CPQ: variants seen among roughly 807,000 people sequenced by gnomAD.
CPQ encodes Ser-Met dipeptidase.
In CPQ, 37 loss-of-function variants were observed where a neutral mutation model predicts 45.7. That is an observed-to-expected ratio of 0.81 (90% confidence interval 0.62 to 1.07). The LOEUF (loss-of-function observed/expected upper bound fraction) is 1.07, where lower values mean the gene tolerates loss of function less well. Among genes scored for constraint, CPQ ranks in the 50% least tolerant of loss-of-function variants. The probability of loss-of-function intolerance (pLI) is 0.00; values close to 1 mark genes in which losing one functional copy is unlikely to be tolerated. For missense variants in CPQ, 537 were observed against 572.9 expected (o/e 0.94, Z 0.64); for synonymous variants, 186 against 205.8 (o/e 0.90, Z 0.82).
chr8:96,723,168 T>C (rs1168431995), intron 1 of CPQ, among the ~76,000 whole-genome samples: 1 of 152,176 alleles, frequency 6.6e-6, no homozygotes, highest in Non-Finnish European at 1.5e-5. Flanking sequence ...TAGTAAAATA[T>C]TATCAAAAGT....
chr8:96,764,051 G>A (rs368514875), intron 1 of CPQ, among the ~76,000 whole-genome samples: 8 of 152,170 alleles, frequency 5.3e-5, no homozygotes, highest in African/African-American at 1.9e-4. Context: ...CATATAAAGA[G>A]TACAAATAAA....
chr8:96,745,550 C>T (rs1810168642), intron 1 of CPQ, among the ~76,000 whole-genome samples: 1 of 152,130 alleles, frequency 6.6e-6, no homozygotes, highest in Admixed American at 6.5e-5. Context: ...ATTCATACAA[C>T]AAACCACTGA....
At chr8:97,103,030 C>G (rs766183201) in intron 7 of CPQ, among the ~76,000 whole-genome samples, 1 of 152,082 alleles carries the variant, frequency 6.6e-6, no homozygotes, top group Non-Finnish European at 1.5e-5. Flanking sequence ...GTATATCACT[C>G]CAATCATCTC....
At chr8:96,662,948 C>G (rs1387170987) in intron 1 of CPQ, among the ~76,000 whole-genome samples, 1 of 152,150 alleles carries the variant, frequency 6.6e-6, no homozygotes, top group African/African-American at 2.4e-5. Context: ...AAGATCGCAC[C>G]AGCACTCCAG....
chr8:96,858,443 G>T (rs4734352), intron 3 of CPQ, among the ~76,000 whole-genome samples: 4 of 151,926 alleles, frequency 2.6e-5, no homozygotes, highest in Admixed American at 6.5e-5. Context: ...GCACAGCAGC[G>T]TCTGATATCC....
chr8:96,972,174 G>C (rs1370428622), intron 5 of CPQ, among the ~76,000 whole-genome samples: 1 of 152,230 alleles, frequency 6.6e-6, no homozygotes, highest in Non-Finnish European at 1.5e-5. Flanking sequence ...CACTGTGGGA[G>C]TGAGACCGGC....
At chr8:97,116,923 T>C (rs545442112) in intron 7 of CPQ, among the ~76,000 whole-genome samples, 22 of 152,348 alleles carry the variant, frequency 1.4e-4, no homozygotes, top group Non-Finnish European at 2.5e-4. Flanking sequence ...GGATGCTCTG[T>C]TGGGTCCAGG....
At chr8:96,859,288 T>A (rs1233619926) in intron 3 of CPQ, among the ~76,000 whole-genome samples, 1 of 152,234 alleles carries the variant, frequency 6.6e-6, no homozygotes, top group East Asian at 1.9e-4. Flanking sequence ...GAATATCTTG[T>A]CTGCTTTTGA....
intron 1 of CPQ, among the ~76,000 whole-genome samples, chr8:96,783,937 G>A (rs1262144665): frequency 6.6e-6 from 1 of 152,088 alleles, no homozygotes; most frequent in African/African-American, 2.4e-5. Context: ...GGACTGGTAT[G>A]GCCCACAAAC....
intron 2 of CPQ, among the ~76,000 whole-genome samples, chr8:96,809,918 C>G (rs1811139326): frequency 6.6e-6 from 1 of 152,108 alleles, no homozygotes; most frequent in Non-Finnish European, 1.5e-5. Flanking sequence ...TCGTCTCTTG[C>G]ATTGAGCATT....
intron 3 of CPQ, among the ~76,000 whole-genome samples, chr8:96,837,826 C>CT (rs1811551094): frequency 1.3e-5 from 2 of 152,024 alleles, no homozygotes; most frequent in African/African-American, 2.4e-5. Context: ...TCCTTTATTG[C>CT]TTTTTTCTCT....
intron 7 of CPQ, among the ~76,000 whole-genome samples, chr8:97,115,636 A>AATTG (rs1477127272): frequency 6.6e-6 from 1 of 152,184 alleles, no homozygotes; most frequent in African/African-American, 2.4e-5. Context: ...GTGAAGGAGA[A>AATTG]ATTGATTTCC....
intron 3 of CPQ, among the ~76,000 whole-genome samples, chr8:96,864,470 C>A (rs1015541311): frequency 1.3e-5 from 2 of 151,974 alleles, no homozygotes; most frequent in African/African-American, 4.8e-5. Flanking sequence ...CATCAGAAGT[C>A]TAAAGGGGCA....
At chr8:96,741,126 C>A (rs559790382) in intron 1 of CPQ, among the ~76,000 whole-genome samples, 1 of 152,180 alleles carries the variant, frequency 6.6e-6, no homozygotes, top group Non-Finnish European at 1.5e-5. Context: ...CGTTGGTAAG[C>A]TATTGATTAT....
intron 4 of CPQ, among the ~76,000 whole-genome samples, chr8:96,949,695 A>C (rs2853281): frequency 0.5 from 75,795 of 151,760 alleles, 21,075 homozygotes; most frequent in African/African-American, 0.77. Flanking sequence ...GCTTCTTCTT[A>C]TTAGCCCAAC....
intron 5 of CPQ, among the ~76,000 whole-genome samples, chr8:96,987,205 A>C (rs1043083572): frequency 6.6e-6 from 1 of 152,094 alleles, no homozygotes; most frequent in African/African-American, 2.4e-5. Context: ...TTCCATTGTC[A>C]GATTTGAGCT....
chr8:97,085,649 A>G (rs1353955189), intron 7 of CPQ, among the ~76,000 whole-genome samples: 1 of 152,196 alleles, frequency 6.6e-6, no homozygotes, highest in East Asian at 1.9e-4. Flanking sequence ...TGACCATAGT[A>G]ACATTAATTT....
intron 5 of CPQ, among the ~76,000 whole-genome samples, chr8:96,975,452 T>C (rs1169312383): frequency 6.6e-6 from 1 of 151,062 alleles, no homozygotes; most frequent in African/African-American, 2.4e-5. Flanking sequence ...GATAAGGAAA[T>C]AGAGAATCAT....
intron 1 of CPQ, among the ~76,000 whole-genome samples, chr8:96,743,409 C>T (rs1286967561): frequency 1.3e-5 from 2 of 151,946 alleles, no homozygotes; most frequent in East Asian, 3.9e-4. Context: ...AACTTCTTTG[C>T]CTTTGGTTTG....
Sources: gnomAD v4.1 joint callset for allele counts (sites outside exome capture counted in the v4.1 genomes callset) on GRCh38, gnomAD v4.1.1 for gene constraint, MANE v1.5 for transcripts, NCBI Gene and HGNC (gene_info 2026-07-23, HGNC 2026-07-21) for gene names.